NR5A2: variants seen among roughly 807,000 people sequenced by gnomAD.
NR5A2 encodes CYP7A promoter-binding factor.
A neutral mutation model predicts 62.7 loss-of-function variants in NR5A2; 26 were observed. The ratio of observed to expected loss-of-function variants is 0.41; its 90% CI spans 0.30 to 0.58. The LOEUF (loss-of-function observed/expected upper bound fraction) is 0.58, where lower values mean the gene tolerates loss of function less well. Ranked by LOEUF, NR5A2 falls within the 20% of genes least tolerant of loss-of-function variation. The pLI is 0.22. For synonymous variants in NR5A2, 246 were observed against 241.7 expected (o/e 1.02, Z -0.16); for missense variants, 541 against 669.1 (o/e 0.81, Z 2.11).
chr1:200,075,886 G>GTTTTCTTTTCTTTTCTTTTC (rs71132656), intron 5 of NR5A2, among the ~76,000 whole-genome samples: 49 of 150,366 alleles, frequency 3.3e-4, no homozygotes, highest in East Asian at 1.2e-3. Flanking sequence ...AAGCTCTTCT[G>GTTTTCTTTTCTTTTCTTTTC]TTTTCTTTTC....
intron 5 of NR5A2, among the ~76,000 whole-genome samples, chr1:200,083,251 A>G (rs77693601): frequency 6.6e-6 from 1 of 152,202 alleles, no homozygotes; most frequent in East Asian, 1.9e-4. Context: ...TTAAAGAAAA[A>G]TTTATAATAC....
intron 7 of NR5A2, among the ~76,000 whole-genome samples, chr1:200,160,949 G>A (rs1653611513): frequency 6.6e-6 from 1 of 150,500 alleles, no homozygotes; most frequent in African/African-American, 2.5e-5. Context: ...CAAATACAAA[G>A]TGATGCTCAA....
chr1:200,095,459 G>A (rs542648934), intron 5 of NR5A2, among the ~76,000 whole-genome samples: 4 of 152,296 alleles, frequency 2.6e-5, no homozygotes, highest in African/African-American at 7.2e-5. Flanking sequence ...CTGGCTGGAT[G>A]TCCATTGGTG....
chr1:200,066,922 T>C (rs1663509390), intron 5 of NR5A2, among the ~76,000 whole-genome samples: 1 of 152,230 alleles, frequency 6.6e-6, no homozygotes. Context: ...GACATTCTTT[T>C]ATGTACAACT....
chr1:200,104,748 C>T (rs990249919), intron 5 of NR5A2, among the ~76,000 whole-genome samples: 36 of 152,254 alleles, frequency 2.4e-4, no homozygotes, highest in African/African-American at 7.5e-4. Flanking sequence ...CTGCAACCTC[C>T]GCCTTCCGGG....
chr1:200,104,898 A>G (rs748135033), intron 5 of NR5A2, among the ~76,000 whole-genome samples: 7 of 152,164 alleles, frequency 4.6e-5, no homozygotes, highest in Non-Finnish European at 8.8e-5. Flanking sequence ...CCCGACCTCA[A>G]GTAGTCTGCC....
chr1:200,111,409 C>T (rs1298507905), intron 6 of NR5A2, 88 bp downstream of exon 6: 2 of 1,417,844 alleles, frequency 1.4e-6, no homozygotes, highest in Non-Finnish European at 9.4e-7. Context: ...CAGAAGCACT[C>T]TTGTGCTTTG....
intron 7 of NR5A2, among the ~76,000 whole-genome samples, chr1:200,127,709 A>AAATAT (rs1558155319): frequency 4.3e-5 from 1 of 23,188 alleles, no homozygotes; most frequent in African/African-American, 2.0e-4. Flanking sequence ...AAAAAAAAAA[A>AAATAT]ATATATATAT....
At chr1:200,042,735 T>A in intron 2 of NR5A2, 3 of 782,490 alleles carry the variant, frequency 3.8e-6, no homozygotes, top group Non-Finnish European at 4.7e-6. Flanking sequence ...CGCCCCGCGC[T>A]CCCATACTTG....
intron 7 of NR5A2, among the ~76,000 whole-genome samples, chr1:200,171,921 G>C (rs572076868): frequency 1.3e-5 from 2 of 152,224 alleles, no homozygotes; most frequent in Admixed American, 6.5e-5. Flanking sequence ...GTTTATCACA[G>C]AATGTTAAAA....
chr1:200,039,096 G>A lies in NR5A2; in HGVS notation c.65-562G>A, dbSNP rs918295180. On this transcript the variant is annotated intron_variant, in intron 1 of 7. Transcript: ENST00000367362. The surrounding 1 kb of genome is among the most constrained non-coding windows in gnomAD (Gnocchi z 5.1). ...CGCGGGGAGTGGACCAGGCAGGAGA[G>A]GGAGGTTGGAACTTCACAACTCCAC... is the stretch of plus-strand genomic sequence containing the variant. 6.6e-6 allele frequency among the ~76,000 whole-genome samples: 1 copy of A among 152,116 alleles called. No individual in the cohort carries two copies. The highest frequency in any genetic ancestry group is 1.5e-5 in the Non-Finnish European group (1 of 68,000).
chr1:200,062,418 A>G (rs570911143), intron 5 of NR5A2, among the ~76,000 whole-genome samples: 7 of 152,324 alleles, frequency 4.6e-5, no homozygotes, highest in African/African-American at 1.4e-4. Flanking sequence ...CACACATCTT[A>G]TCAGCACAGT....
intron 6 of NR5A2, among the ~76,000 whole-genome samples, chr1:200,115,221 C>T (rs760869665): frequency 6.6e-6 from 1 of 152,002 alleles, no homozygotes; most frequent in Non-Finnish European, 1.5e-5. Context: ...ACTCATAATG[C>T]CACCACTTGA....
At chr1:200,051,652 T>G (rs72739179) in intron 5 of NR5A2, among the ~76,000 whole-genome samples, 3,219 of 152,108 alleles carry the variant, frequency 0.021, 57 homozygotes, top group Middle Eastern at 0.034. Context: ...TGACCAGGAG[T>G]GATTCAAGTA....
chr1:200,139,118 T>C (rs758688544), intron 7 of NR5A2, among the ~76,000 whole-genome samples: 28 of 152,244 alleles, frequency 1.8e-4, no homozygotes, highest in Admixed American at 3.3e-4. Flanking sequence ...AGAGGTATTG[T>C]ACATCATTTG....
intron 5 of NR5A2, among the ~76,000 whole-genome samples, chr1:200,068,245 C>A (rs967243914): frequency 1.3e-5 from 2 of 152,244 alleles, no homozygotes; most frequent in African/African-American, 4.8e-5. Context: ...TGGGGCAGAG[C>A]AGTGTCAGGG....
rs139348489 is a variant in NR5A2, at chr1:200,162,079, C to T, written c.1379-11884C>T. On this transcript the variant is annotated intron_variant, in intron 7 of 7. Transcript: ENST00000367362. ...ACAGACAAGCAAGCAAGAAGACTGG[C>T]GTGTGAAACAAAACGGATTCTCTTA... Among the ~76,000 whole-genome samples, 442 of 152,304 alleles carry T rather than the reference C, an allele frequency of 2.9e-3. 3 individuals carry two copies. Among genetic ancestry groups the T allele is most frequent in the African/African-American group, 0.01 (432 of 41,566 alleles).
intron 5 of NR5A2, among the ~76,000 whole-genome samples, chr1:200,060,463 G>A (rs1382852242): frequency 6.6e-6 from 1 of 152,214 alleles, no homozygotes; most frequent in Admixed American, 6.5e-5. Context: ...TGAGTGCAGA[G>A]GGAGTAGCTG....
chr1:200,128,811 A>G (rs1666843421), intron 7 of NR5A2, among the ~76,000 whole-genome samples: 1 of 152,166 alleles, frequency 6.6e-6, no homozygotes, highest in African/African-American at 2.4e-5. Flanking sequence ...CTCTTGCAAT[A>G]TGACACTGAC....
Sources: allele counts gnomAD v4.1 joint callset (sites outside exome capture counted in the v4.1 genomes callset), GRCh38; gene constraint gnomAD v4.1.1; non-coding constraint Gnocchi (gnomAD v3.1); transcripts MANE v1.5; gene names NCBI Gene and HGNC (gene_info 2026-07-23, HGNC 2026-07-21).